FBF1: variants seen among roughly 807,000 people sequenced by gnomAD.
FBF1 encodes Fas binding factor 1, also known as fas-binding factor 1.
Under a neutral mutation model 147.2 loss-of-function variants are expected in FBF1, and 119 were observed. The ratio of observed to expected loss-of-function variants is 0.81; its 90% CI spans 0.70 to 0.94. The LOEUF (loss-of-function observed/expected upper bound fraction) is 0.94, where lower values mean the gene tolerates loss of function less well. Ranked by LOEUF, FBF1 falls within the 40% of genes least tolerant of loss-of-function variation. The pLI is 0.00. For synonymous variants in FBF1, 601 were observed against 609.0 expected (o/e 0.99, Z 0.19); for missense variants, 1,449 against 1,500.8 (o/e 0.97, Z 0.57).
chr17:75,937,795 C>A, intron 2 of FBF1: 1 of 670,018 alleles, frequency 1.5e-6, no homozygotes, highest in Non-Finnish European at 2.6e-6. Context: ...GCCCTGCTAA[C>A]CAGCGATGGG....
Position 75,919,710 on chromosome 17 carries a change from T to C in FBF1, c.2096A>G (p.Gln699Arg), listed in dbSNP as rs2065511509. The C allele has an allele frequency of 2.5e-6, 4 of 1,612,464 alleles. No individual in the cohort carries two copies. The highest frequency in any genetic ancestry group is 4.5e-5 in the East Asian group (2 of 44,862). ...CCGCTCCATTTCCTGGTCCTTCTCCTGCGCTATGGCCGCCAAGCGCCGCTG... is the reference window on the plus strand; with the variant it reads ...CCGCTCCATTTCCTGGTCCTTCTCCCGCGCTATGGCCGCCAAGCGCCGCTG... ...QHQRRLAAIA[Q>R]EKDQEMERLR... Residue 699 changes from glutamine to arginine, a missense_variant, in exon 20 of 30, where the codon CAG (glutamine) becomes CGG (arginine). Coordinates refer to ENST00000636174, the MANE Select transcript of FBF1 (RefSeq NM_001319193.2). The surrounding 1 kb of genome is among the most constrained non-coding windows in gnomAD (Gnocchi z 5.0).
At chr17:75,916,282 TGCACTCCA>T (rs940532602) in intron 23 of FBF1, among the ~76,000 whole-genome samples, 35 of 151,374 alleles carry the variant, frequency 2.3e-4, no homozygotes, top group African/African-American at 7.8e-4. Flanking sequence ...ATCTTGCCAC[TGCACTCCA>T]GCCTGAGTGA....
chr17:75,931,539 T>C (rs1236995130), intron 5 of FBF1, among the ~76,000 whole-genome samples: 3 of 152,118 alleles, frequency 2.0e-5, no homozygotes, highest in African/African-American at 7.2e-5. Context: ...ATCCCAGCAC[T>C]TTGGGAGGCC....
In FBF1 at chr17:75,923,388, C is replaced by T; in HGVS notation, c.1222G>A (p.Ala408Thr). The T allele has an allele frequency of 1.2e-6, 2 of 1,606,424 alleles. No homozygotes were observed. Among genetic ancestry groups the T allele is most frequent in the Non-Finnish European group, 8.5e-7 (1 of 1,176,878 alleles). The part of the protein sequence containing the change: ...STPAGLPPSR[A>T]KPPTEGAGSP... ...CCTGCACCTTCAGTTGGTGGCTTTG[C>T]CCTGGAGGGGGGCAGCCCAGCTGGC... Residue 408 changes from alanine to threonine, a missense_variant, in exon 14 of 30, where the codon GCA becomes ACA. By Grantham distance (58) the Ala-to-Thr change is moderately conservative. Coordinates refer to ENST00000636174, the MANE Select transcript of FBF1 (RefSeq NM_001319193.2). The surrounding 1 kb of genome is among the most constrained non-coding windows in gnomAD (Gnocchi z 4.1).
At chr17:75,933,211 A>G in intron 4 of FBF1, 123 bp from the exon 5 acceptor site, 1 of 659,282 alleles carries the variant, frequency 1.5e-6, no homozygotes, top group Non-Finnish European at 2.6e-6. Context: ...CTGGCCAAAT[A>G]GGCAGGTCCC....
chr17:75,923,107 A>C lies in FBF1; in HGVS notation c.1424+79T>G. On this transcript the variant is annotated intron_variant, in intron 14 of 29. Transcript: ENST00000636174. This position sits in a 1 kb window ranked among gnomAD's most constrained non-coding sequence, Gnocchi z 4.1. The stretch of plus-strand genomic sequence containing the variant: ...TTCCCCAACTGCTGACTGAGGCTGC[A>C]ACAGGTGAAGGGGCAAAGGGGCTCC... The C allele has an allele frequency of 7.3e-7, 1 of 1,373,722 alleles. No individual in the cohort carries two copies. Among genetic ancestry groups the C allele is most frequent in the South Asian group, 1.5e-5 (1 of 67,424 alleles). The allele number at this position is 1,373,722 out of a possible 1,614,324, so 85.1% of individuals were successfully genotyped here. A position where few individuals can be genotyped will look rare whatever the true frequency, so the allele number is the denominator to read the frequency against.
At chr17:75,935,793 G>C in intron 3 of FBF1, 120 bp from the exon 4 acceptor site, 1 of 890,672 alleles carries the variant, frequency 1.1e-6, no homozygotes, top group Non-Finnish European at 1.6e-6. Context: ...CTTAGGCTTA[G>C]CTCTCCTTTC....
In FBF1 at chr17:75,920,119, C is replaced by A; in HGVS notation, c.1831-12G>T. On this transcript the variant is annotated splice_polypyrimidine_tract_variant and intron_variant, in intron 18 of 29. Coordinates refer to ENST00000636174, the MANE Select transcript of FBF1 (RefSeq NM_001319193.2). Reference sequence around the variant, plus strand: ...TCCAGCTTCCGCACCTGGGAGACAGCAGGAGGGCCAGCAACCAGGGAGGGG... The same window carrying A: ...TCCAGCTTCCGCACCTGGGAGACAGAAGGAGGGCCAGCAACCAGGGAGGGG... 1 of 1,579,990 alleles carries A rather than the reference C, an allele frequency of 6.3e-7. No individual in the cohort carries two copies. Among genetic ancestry groups the A allele is most frequent in the Non-Finnish European group, 8.6e-7 (1 of 1,164,004 alleles).
At chr17:75,927,405 T>A in intron 9 of FBF1, 50 bp downstream of exon 9, 1 of 1,511,064 alleles carries the variant, frequency 6.6e-7, no homozygotes, top group South Asian at 1.2e-5. Context: ...CCTAGGCTGC[T>A]CCACTCCCAA....
chr17:75,917,170 G>A (rs550291142), intron 23 of FBF1, among the ~76,000 whole-genome samples: 15 of 152,246 alleles, frequency 9.9e-5, no homozygotes, highest in Admixed American at 8.5e-4. Flanking sequence ...TTATGGTCTC[G>A]CTAGGCTGGT....
Position 75,913,825 on chromosome 17 carries a change from C to T in FBF1, c.3130-6G>A. On this transcript the variant is annotated splice_polypyrimidine_tract_variant and splice_region_variant and intron_variant, in intron 27 of 29. Coordinates refer to ENST00000636174, the MANE Select transcript of FBF1 (RefSeq NM_001319193.2). ...TGGGCCAGACTCAGATGCTCCTGTC[C>T]CCGTTCCCCCAGAAAGAAGGACTCA... 6 of 1,595,958 alleles carry T rather than the reference C, an allele frequency of 3.8e-6. No homozygotes were observed. The highest frequency in any genetic ancestry group is 5.1e-6 in the Non-Finnish European group (6 of 1,174,682).
intron 4 of FBF1, among the ~76,000 whole-genome samples, chr17:75,935,418 C>A (rs2144196313): frequency 6.6e-6 from 1 of 152,122 alleles, no homozygotes; most frequent in Non-Finnish European, 1.5e-5. Flanking sequence ...TGGCCCTCCT[C>A]CTCCTCCCAG....
chr17:75,921,557 G>A lies in FBF1; in HGVS notation c.1530C>T (p.Ser510=). ...AGGCGGCATGGTTCTGAGTCACAGGGGACCTGAGGACACAGGGATGGGGCA... is the reference window on the plus strand; with the variant it reads ...AGGCGGCATGGTTCTGAGTCACAGGAGACCTGAGGACACAGGGATGGGGCA... ...RPCVRPGVSG[S]PVTQNHAASA... Residue 510 remains serine, a synonymous_variant, in exon 16 of 30, where the codon TCC becomes TCT. Coordinates refer to ENST00000636174, the MANE Select transcript of FBF1 (RefSeq NM_001319193.2). The A allele has an allele frequency of 6.2e-7, 1 of 1,611,866 alleles. No individual in the cohort carries two copies. The highest frequency in any genetic ancestry group is 2.2e-5 in the East Asian group (1 of 44,820).
At chr17:75,933,876 C>T (rs997239827) in intron 4 of FBF1, among the ~76,000 whole-genome samples, 2 of 152,140 alleles carry the variant, frequency 1.3e-5, no homozygotes, top group Non-Finnish European at 2.9e-5. Context: ...ACTTTACACC[C>T]TCTAGGATGG....
Position 75,918,822 on chromosome 17 carries a change from T to TC in FBF1, c.2139-554dup, listed in dbSNP as rs1416137036. 1.5e-4 allele frequency among the ~76,000 whole-genome samples: 23 copies of TC among 148,492 alleles called. No homozygotes were observed. The highest frequency in any genetic ancestry group is 5.8e-4 in the African/African-American group (23 of 39,502). ...CAGTCTTTCTTTTTTTTTTTTTTTT[T>TC]CCTAGAGATGAGGTCTCACTATGTT... On this transcript the variant is annotated intron_variant, in intron 20 of 29. Transcript: ENST00000636174. This position sits in a 1 kb window ranked among gnomAD's most constrained non-coding sequence, Gnocchi z 5.8.
chr17:75,927,543 C>A lies in FBF1; in HGVS notation c.398-11G>T. The A allele has an allele frequency of 6.3e-7, 1 of 1,593,196 alleles. No homozygotes were observed. Among genetic ancestry groups the A allele is most frequent in the South Asian group, 1.1e-5 (1 of 87,450 alleles). ...TGGGAATGGCACCCCCTGCAGGAAG[C>A]AGAAGACAAGGTCATGGGCCTGAGT... On this transcript the variant is annotated splice_polypyrimidine_tract_variant and intron_variant, in intron 8 of 29. Transcript: ENST00000636174.
chr17:75,929,400 C>T (rs556913735), intron 7 of FBF1, among the ~76,000 whole-genome samples: 11 of 152,194 alleles, frequency 7.2e-5, no homozygotes, highest in African/African-American at 1.4e-4. Flanking sequence ...ACCAAAAACG[C>T]GGCTTTGTCC....
chr17:75,934,635 T>C (rs920064014), intron 4 of FBF1, among the ~76,000 whole-genome samples: 7 of 151,178 alleles, frequency 4.6e-5, no homozygotes, highest in African/African-American at 1.7e-4. Flanking sequence ...TCCCAGCACT[T>C]TGGGAGGCCA....
chr17:75,918,332 C>T lies in FBF1; in HGVS notation c.2139-63G>A. The T allele has an allele frequency of 7.2e-7, 1 of 1,391,956 alleles. No individual in the cohort carries two copies. The highest frequency in any genetic ancestry group is 1.2e-5 in the South Asian group (1 of 80,122). 86.2% of individuals were successfully genotyped at this position (1,391,956 alleles called of 1,614,324 possible). A position where few individuals can be genotyped will look rare whatever the true frequency, so the allele number is the denominator to read the frequency against. On this transcript the variant is annotated intron_variant, in intron 20 of 29. Coordinates refer to ENST00000636174, the MANE Select transcript of FBF1 (RefSeq NM_001319193.2). The surrounding 1 kb of genome is among the most constrained non-coding windows in gnomAD (Gnocchi z 5.8). ...CTGGATCACCCTGATGCGGTAACTCCTTGTGGAAGGGTGTGTTTCCGTGCA... is the reference window on the plus strand; with the variant it reads ...CTGGATCACCCTGATGCGGTAACTCTTTGTGGAAGGGTGTGTTTCCGTGCA...
Sources: gnomAD v4.1 joint callset for allele counts (sites outside exome capture counted in the v4.1 genomes callset) on GRCh38, gnomAD v4.1.1 for gene constraint, Gnocchi (gnomAD v3.1) non-coding constraint, MANE v1.5 for transcripts, NCBI Gene and HGNC (gene_info 2026-07-23, HGNC 2026-07-21) for gene names.